NCAM2: variants seen among roughly 807,000 people sequenced by gnomAD.
NCAM2 encodes the protein N-CAM-2.
NCAM2 carries 30 observed loss-of-function variants against 98.1 expected under a neutral mutation model. The observed-to-expected ratio is 0.31, with a 90% CI of 0.23 to 0.41. The LOEUF is 0.41. Among genes scored for constraint, NCAM2 ranks in the 10% least tolerant of loss-of-function variants. NCAM2 has a pLI of 1.00. For synonymous variants in NCAM2, 368 were observed against 342.4 expected (o/e 1.07, Z -0.83); for missense variants, 867 against 1,005.8 (o/e 0.86, Z 1.87).
At chr21:21,341,467 C>A (rs1373439015) in intron 8 of NCAM2, among the ~76,000 whole-genome samples, 1 of 152,038 alleles carries the variant, frequency 6.6e-6, no homozygotes, top group Non-Finnish European at 1.5e-5. Context: ...ATGATCTTAA[C>A]CAATTAGTTG....
chr21:21,208,226 G>T (rs545857313), intron 1 of NCAM2, among the ~76,000 whole-genome samples: 14 of 152,112 alleles, frequency 9.2e-5, no homozygotes, highest in Non-Finnish European at 2.1e-4. Context: ...AATAAAAAAT[G>T]TTTAAAGTGG....
At chr21:21,332,986 T>A (rs2074757822) in intron 6 of NCAM2, among the ~76,000 whole-genome samples, 1 of 152,214 alleles carries the variant, frequency 6.6e-6, no homozygotes, top group Admixed American at 6.5e-5. Flanking sequence ...AATTCTGTAA[T>A]CCTGACCCCT....
chr21:21,221,226 T>G (rs78156388), intron 1 of NCAM2, among the ~76,000 whole-genome samples: 1 of 216 alleles, frequency 4.6e-3, no homozygotes, highest in African/African-American at 0.014. Context: ...CTTCTCTGGC[T>G]CCCCTATTCT....
At chr21:21,049,480 G>A (rs1173874388) in intron 1 of NCAM2, among the ~76,000 whole-genome samples, 1 of 320 alleles carries the variant, frequency 3.1e-3, no homozygotes, top group Admixed American at 0.045. Context: ...CTAATAAAAA[G>A]AGCATGAAAA....
intron 8 of NCAM2, among the ~76,000 whole-genome samples, chr21:21,355,740 G>A (rs2075460662): frequency 2.0e-5 from 3 of 151,258 alleles, no homozygotes; most frequent in Non-Finnish European, 2.9e-5. Flanking sequence ...CATAGCCTCC[G>A]GAGTAGCTGG....
chr21:21,118,233 A>T (rs1159535463), intron 1 of NCAM2, among the ~76,000 whole-genome samples: 1 of 152,242 alleles, frequency 6.6e-6, no homozygotes, highest in Non-Finnish European at 1.5e-5. Flanking sequence ...GTGATTAATT[A>T]TATAGACCAT....
At chr21:21,345,450 G>C (rs1393789221) in intron 8 of NCAM2, among the ~76,000 whole-genome samples, 1 of 152,070 alleles carries the variant, frequency 6.6e-6, no homozygotes, top group African/African-American at 2.4e-5. Flanking sequence ...AACGAATCAA[G>C]TAGAAATTCT....
chr21:21,050,955 C>G (rs4816843), intron 1 of NCAM2, among the ~76,000 whole-genome samples: 142,783 of 152,234 alleles, frequency 0.94, 67,562 homozygotes, highest in East Asian at 1. Context: ...ATTTGATTTC[C>G]TCTTATCAAG....
At chr21:21,268,678 C>G (rs1440075117) in intron 1 of NCAM2, among the ~76,000 whole-genome samples, 1 of 152,162 alleles carries the variant, frequency 6.6e-6, no homozygotes, top group Non-Finnish European at 1.5e-5. Context: ...TAATTCTTAT[C>G]TCTCTTCTGA....
At chr21:21,446,247 C>T (rs1310152304) in intron 12 of NCAM2, among the ~76,000 whole-genome samples, 1 of 152,002 alleles carries the variant, frequency 6.6e-6, no homozygotes, top group Non-Finnish European at 1.5e-5. Flanking sequence ...TGACCTTTTC[C>T]TGGCCTTAAC....
chr21:21,265,140 TAA>T lies in NCAM2; in HGVS notation c.56-15437_56-15436del, dbSNP rs1242622862. ...CATACATATATTATATATACATATA[TAA>T]TATATATACATATATACTTATATAT... On this transcript the variant is annotated intron_variant, in intron 1 of 17. Transcript: ENST00000400546. Among the ~76,000 whole-genome samples the T allele has an allele frequency of 6.7e-5, 8 of 119,732 alleles. 1 individual carries two copies. The highest frequency in any genetic ancestry group is 9.8e-5 in the Non-Finnish European group (6 of 61,288). The allele number at this position is 119,732 out of a possible 152,430, so 78.5% of individuals were successfully genotyped here. A position where few individuals can be genotyped will look rare whatever the true frequency, so the allele number is the denominator to read the frequency against.
At chr21:21,182,259 C>A (rs913739537) in intron 1 of NCAM2, among the ~76,000 whole-genome samples, 1 of 151,920 alleles carries the variant, frequency 6.6e-6, no homozygotes, top group African/African-American at 2.4e-5. Context: ...TATTTAGTAA[C>A]TTTATAATAG....
At chr21:21,293,734 A>G (rs2073377260) in intron 5 of NCAM2, among the ~76,000 whole-genome samples, 1 of 151,886 alleles carries the variant, frequency 6.6e-6, no homozygotes, top group South Asian at 2.1e-4. Flanking sequence ...TAATAAATAT[A>G]TAGTGGCTAT....
chr21:21,303,463 T>G (rs2073786530), intron 5 of NCAM2, among the ~76,000 whole-genome samples: 1 of 152,102 alleles, frequency 6.6e-6, no homozygotes, highest in Non-Finnish European at 1.5e-5. Context: ...TGTCATCTCT[T>G]TTTATTGCTA....
chr21:21,237,946 A>ATTATTT (rs1300891961), intron 1 of NCAM2, among the ~76,000 whole-genome samples: 1 of 77,222 alleles, frequency 1.3e-5, no homozygotes, highest in African/African-American at 4.9e-5. Context: ...GGGCATTGTA[A>ATTATTT]TTCTTTTTTT....
At chr21:21,510,321 C>G (rs966399807) in intron 16 of NCAM2, among the ~76,000 whole-genome samples, 2 of 152,130 alleles carry the variant, frequency 1.3e-5, no homozygotes, top group South Asian at 2.1e-4. Context: ...TGGAAGTTCT[C>G]TCATTTCCTT....
chr21:21,254,160 T>G (rs1256424535), intron 1 of NCAM2, among the ~76,000 whole-genome samples: 1 of 152,242 alleles, frequency 6.6e-6, no homozygotes, highest in Admixed American at 6.5e-5. Context: ...TATTTTTGTC[T>G]CAGCTTAGTA....
At chr21:21,048,157 C>T (rs2065035957) in intron 1 of NCAM2, among the ~76,000 whole-genome samples, 1 of 152,158 alleles carries the variant, frequency 6.6e-6, no homozygotes, top group Non-Finnish European at 1.5e-5. Flanking sequence ...CCTGCTCTCT[C>T]TGAAGTCTGC....
intron 1 of NCAM2, among the ~76,000 whole-genome samples, chr21:21,015,433 C>T (rs1020734065): frequency 6.6e-6 from 1 of 152,206 alleles, no homozygotes; most frequent in African/African-American, 2.4e-5. Flanking sequence ...GCAAGACCCT[C>T]TACCAGCTAA....
Sources: allele counts gnomAD v4.1 joint callset (sites outside exome capture counted in the v4.1 genomes callset), GRCh38; gene constraint gnomAD v4.1.1; transcripts MANE v1.5; gene names NCBI Gene and HGNC (gene_info 2026-07-23, HGNC 2026-07-21).